RMDN1: variants seen among roughly 807,000 people sequenced by gnomAD.
RMDN1 encodes regulator of microtubule dynamics protein 1.
A neutral mutation model predicts 48.9 loss-of-function variants in RMDN1; 48 were observed. The ratio of observed to expected loss-of-function variants is 0.98; its 90% confidence interval spans 0.78 to 1.25. RMDN1 has a LOEUF of 1.25. RMDN1 is among the 50% of genes most tolerant of loss of function. The probability of loss-of-function intolerance (pLI) is 0.00; values close to 1 mark genes in which losing one functional copy is unlikely to be tolerated. For missense variants in RMDN1, 418 were observed against 373.4 expected (o/e 1.12, Z -0.98); for synonymous variants, 148 against 132.6 (o/e 1.12, Z -0.80).
intron 9 of RMDN1, 53 bp downstream of exon 9, chr8:86,474,767 C>A (rs935650656): frequency 2.6e-6 from 4 of 1,523,814 alleles, no homozygotes; most frequent in Non-Finnish European, 3.6e-6. Flanking sequence ...CTTAATTCAC[C>A]ATTTAATAGT....
At position 86,473,100 on chromosome 8, in the gene RMDN1, A is replaced by G. The variant is rs1223563356; in HGVS notation, c.*1208T>C. ...ATAAGGGATACACAACCTATATAGC[A>G]AAATCACTGAATCTAAGAGATGGGT... On this transcript the variant is annotated 3_prime_UTR_variant, in exon 10 of 10. Coordinates refer to ENST00000406452, the MANE Select transcript of RMDN1 (RefSeq NM_016033.3). 3.2e-5 allele frequency: 32 copies of G among 984,712 alleles called. No homozygotes were observed. Among genetic ancestry groups the G allele is most frequent in the Non-Finnish European group, 3.7e-5 (31 of 829,378 alleles). 61.0% of individuals were successfully genotyped at this position (984,712 alleles called of 1,614,324 possible). A position where few individuals can be genotyped will look rare whatever the true frequency, so the allele number is the denominator to read the frequency against.
chr8:86,492,648 G>A (rs1237077013), intron 2 of RMDN1, among the ~76,000 whole-genome samples: 4 of 131,424 alleles, frequency 3.0e-5, no homozygotes, highest in South Asian at 2.5e-4. Context: ...GCAAGACTCC[G>A]CCTTAATAAT....
intron 9 of RMDN1, 22 bp from the exon 10 acceptor site, chr8:86,474,380 T>A (rs755028508): frequency 6.4e-7 from 1 of 1,565,366 alleles, no homozygotes; most frequent in African/African-American, 1.4e-5. Flanking sequence ...AAATACATGT[T>A]ATAAGTAAAC....
Position 86,473,050 on chromosome 8 carries a change from C to T in RMDN1, c.*1258G>A, listed in dbSNP as rs1027195651. ...GGAAAAACATCCCAAATCCAAGATGCTTCTACTAGTCCCAAGTATTTCAGA... is the reference window on the plus strand; with the variant it reads ...GGAAAAACATCCCAAATCCAAGATGTTTCTACTAGTCCCAAGTATTTCAGA... On this transcript the variant is annotated 3_prime_UTR_variant, in exon 10 of 10. Transcript: ENST00000406452. 2.2e-6 allele frequency: 2 copies of T among 927,432 alleles called. No homozygotes were observed. Among genetic ancestry groups the T allele is most frequent in the Non-Finnish European group, 2.6e-6 (2 of 777,460 alleles). 57.5% of individuals were successfully genotyped at this position (927,432 alleles called of 1,614,324 possible). A position where few individuals can be genotyped will look rare whatever the true frequency, so the allele number is the denominator to read the frequency against.
chr8:86,508,781 C>G (rs758023635), upstream of RMDN1: 2 of 1,376,188 alleles, frequency 1.5e-6, no homozygotes, highest in South Asian at 3.4e-5. Context: ...CCCATGGTTT[C>G]CGGTGCACGG....
At chr8:86,503,371 C>CAAAAAA (rs1182231210) in intron 2 of RMDN1, among the ~76,000 whole-genome samples, 56 of 67,938 alleles carry the variant, frequency 8.2e-4, no homozygotes, top group Middle Eastern at 6.0e-3. Flanking sequence ...CAAAACAAAA[C>CAAAAAA]AAAAAAAAAA....
chr8:86,484,832 T>C, intron 5 of RMDN1, 40 bp downstream of exon 5: 2 of 1,310,004 alleles, frequency 1.5e-6, no homozygotes, highest in African/African-American at 1.5e-5. Flanking sequence ...CAGAAAAATA[T>C]GACTTTTAAA....
rs556884737 is a variant in RMDN1 at position 86,483,864 on chromosome 8, G to A, written c.585+1008C>T. Among the ~76,000 whole-genome samples, 145 of 144,046 alleles carry A rather than the reference G, an allele frequency of 1.0e-3. 1 individual carries two copies. Among genetic ancestry groups the A allele is most frequent in the Middle Eastern group, 7.3e-3 (2 of 274 alleles). 94.5% of individuals were successfully genotyped at this position (144,046 alleles called of 152,430 possible). ...TTTTGAGACAATGAAGTTCATCCAT[G>A]TTAAGAAATATACAGACTCCTATGC... is the stretch of plus-strand genomic sequence containing the variant. On this transcript the variant is annotated intron_variant, in intron 5 of 9. Coordinates refer to ENST00000406452, the MANE Select transcript of RMDN1 (RefSeq NM_016033.3).
chr8:86,508,433 G>C lies in RMDN1; in HGVS notation c.129+59C>G. The C allele has an allele frequency of 3.3e-6, 5 of 1,496,584 alleles. No homozygotes were observed. The South Asian group carries it at 4.9e-5, about 15-fold the overall frequency. 92.7% of individuals were successfully genotyped at this position (1,496,584 alleles called of 1,614,324 possible). A position where few individuals can be genotyped will look rare whatever the true frequency, so the allele number is the denominator to read the frequency against. ...CGGGGCCGCCACCACTTAAGTTAAG[G>C]GGGAGCCGGAACCCACTGAGTAGGA... On this transcript the variant is annotated intron_variant, in intron 1 of 9. Transcript: ENST00000406452.
At chr8:86,504,604 G>A in intron 2 of RMDN1, 2 of 978,916 alleles carry the variant, frequency 2.0e-6, no homozygotes, top group Non-Finnish European at 3.3e-6. Flanking sequence ...AGGCCTTGGA[G>A]GGATGGCTTT....
At chr8:86,484,155 G>C (rs1400718504) in intron 5 of RMDN1, among the ~76,000 whole-genome samples, 16 of 152,152 alleles carry the variant, frequency 1.1e-4, no homozygotes, top group Non-Finnish European at 2.4e-4. Context: ...TGTGATGCAA[G>C]CAGAGGCTTG....
rs559917586 is a variant in RMDN1 at position 86,488,200 on chromosome 8, A to G, written c.335+352T>C. Among the ~76,000 whole-genome samples, 7 of 152,322 alleles carry G rather than the reference A, an allele frequency of 4.6e-5. No individual in the cohort carries two copies. The South Asian group carries it at 1.2e-3, about 27-fold the overall frequency. ...ACATCTCAGTGAATTCATTTAATCT[A>G]TACCAATAAAAAGTTACTTTAAAAG... On this transcript the variant is annotated intron_variant, in intron 3 of 9. Transcript: ENST00000406452.
At chr8:86,487,628 T>A (rs1242203730) in intron 3 of RMDN1, among the ~76,000 whole-genome samples, 1 of 152,004 alleles carries the variant, frequency 6.6e-6, no homozygotes, top group Non-Finnish European at 1.5e-5. Flanking sequence ...AATTCTTTTT[T>A]ATTAAATGTT....
chr8:86,507,686 GCTAA>G (rs151070511), intron 1 of RMDN1, among the ~76,000 whole-genome samples: 23,266 of 151,888 alleles, frequency 0.15, 1,892 homozygotes, highest in Non-Finnish European at 0.19. Context: ...AAAACTTACG[GCTAA>G]CTAGTTTCAT....
Position 86,504,570 on chromosome 8 carries a change from AG to A in RMDN1, c.247+2424del, listed in dbSNP as rs1385758645. ...TTTCCCTATTTCTGCTGCAAAGGGC[AG>A]GAAGGCGGACCCTGCATATGATAGG... On this transcript the variant is annotated intron_variant, in intron 2 of 9. Coordinates refer to ENST00000406452, the MANE Select transcript of RMDN1 (RefSeq NM_016033.3). 4.2e-6 allele frequency: 5 copies of A among 1,190,726 alleles called. No individual in the cohort carries two copies. In the African/African-American group the frequency reaches 4.5e-5, roughly 11 times the overall value. The allele number at this position is 1,190,726 out of a possible 1,614,324, so 73.8% of individuals were successfully genotyped here.
chr8:86,492,843 C>A (rs2130973523), intron 2 of RMDN1, among the ~76,000 whole-genome samples: 1 of 151,894 alleles, frequency 6.6e-6, no homozygotes, highest in East Asian at 1.9e-4. Flanking sequence ...TGCCCTTAAA[C>A]TTCAACTCAT....
Position 86,477,277 on chromosome 8 carries a change from A to T in RMDN1, c.760+17T>A, listed in dbSNP as rs563231943. On this transcript the variant is annotated intron_variant, in intron 8 of 9. Coordinates refer to ENST00000406452, the MANE Select transcript of RMDN1 (RefSeq NM_016033.3). Reference sequence around the variant, plus strand: ...CAATTTTAACTATATTAATATGTGTAATCAAAAATACCTTACCTTGTTCTG... The same window carrying T: ...CAATTTTAACTATATTAATATGTGTTATCAAAAATACCTTACCTTGTTCTG... The T allele has an allele frequency of 5.1e-6, 8 of 1,579,226 alleles. No homozygotes were observed. In the East Asian group the frequency reaches 1.8e-4, roughly 36 times the overall value.
intron 2 of RMDN1, 130 bp from the exon 3 acceptor site, chr8:86,488,769 G>A: frequency 2.1e-6 from 1 of 481,726 alleles, no homozygotes; most frequent in South Asian, 4.6e-5. Context: ...GACCTACAAT[G>A]AAACAGCAGA....
At chr8:86,488,073 C>G (rs1815794954) in intron 3 of RMDN1, among the ~76,000 whole-genome samples, 1 of 152,062 alleles carries the variant, frequency 6.6e-6, no homozygotes, top group Non-Finnish European at 1.5e-5. Context: ...AACATACAAT[C>G]TAATAATAAA....
Sources: gnomAD v4.1 joint callset for allele counts (sites outside exome capture counted in the v4.1 genomes callset) on GRCh38, gnomAD v4.1.1 for gene constraint, MANE v1.5 for transcripts, NCBI Gene and HGNC (gene_info 2026-07-23, HGNC 2026-07-21) for gene names.